Variants in DPH6 observed in about 807,000 individuals in gnomAD.
DPH6 encodes the protein diphthine--ammonia ligase.
A neutral mutation model predicts 38.2 loss-of-function variants in DPH6; 33 were observed. The observed-to-expected ratio is 0.86, with a 90% confidence interval of 0.65 to 1.15. DPH6 has a LOEUF of 1.15. Among genes scored for constraint, DPH6 ranks in the 50% most tolerant of loss-of-function variants. DPH6 has a pLI of 0.00. For missense variants in DPH6, 325 were observed against 320.0 expected (o/e 1.02, Z -0.12); for synonymous variants, 108 against 103.0 (o/e 1.05, Z -0.30).
At chr15:35,433,490 T>C (rs1257852876) in intron 5 of DPH6, among the ~76,000 whole-genome samples, 1 of 152,220 alleles carries the variant, frequency 6.6e-6, no homozygotes, top group Non-Finnish European at 1.5e-5. Flanking sequence ...TGAGTCTCTC[T>C]ACACTGGGGT....
At chr15:35,225,185 AG>A (rs2051472295) in intron 3 of DPH6, among the ~76,000 whole-genome samples, 1 of 152,208 alleles carries the variant, frequency 6.6e-6, no homozygotes, top group Non-Finnish European at 1.5e-5. Flanking sequence ...TCTGATACTC[AG>A]GATTAGATCA....
chr15:35,275,882 A>C (rs1239285190), intron 3 of DPH6, among the ~76,000 whole-genome samples: 2 of 152,102 alleles, frequency 1.3e-5, no homozygotes, highest in Non-Finnish European at 2.9e-5. Context: ...ACATTTTTGC[A>C]ATTGTGAATT....
At chr15:35,491,200 T>C (rs1054990904) in intron 3 of DPH6, among the ~76,000 whole-genome samples, 9 of 150,746 alleles carry the variant, frequency 6.0e-5, no homozygotes, top group African/African-American at 2.0e-4. Flanking sequence ...ACATAAATAA[T>C]GTTAAATAAT....
At chr15:35,181,558 T>G in the DPH6 span, among the ~76,000 whole-genome samples, 1 of 152,056 alleles carries the variant, frequency 6.6e-6, no homozygotes, top group South Asian at 2.1e-4. Context: ...GAGATTATGA[T>G]TGACATCAGG....
intron 5 of DPH6, among the ~76,000 whole-genome samples, chr15:35,425,722 G>T (rs2053561381): frequency 6.7e-6 from 1 of 149,178 alleles, no homozygotes; most frequent in African/African-American, 2.5e-5. Flanking sequence ...TGTGTACAAA[G>T]TAGCTTTGGG....
chr15:35,355,191 G>A (rs998532157), intron 3 of DPH6, among the ~76,000 whole-genome samples: 1 of 152,144 alleles, frequency 6.6e-6, no homozygotes, highest in African/African-American at 2.4e-5. Context: ...CTGCATGTGA[G>A]ATGGGTTTCC....
intron 6 of DPH6, among the ~76,000 whole-genome samples, chr15:35,398,578 T>C (rs570988826): frequency 3.9e-5 from 6 of 152,338 alleles, no homozygotes; most frequent in Admixed American, 3.3e-4. Flanking sequence ...CATTGCCCTA[T>C]GCATCTCTGC....
At chr15:35,360,299 G>A (rs944657159) in intron 3 of DPH6, among the ~76,000 whole-genome samples, 3 of 144,904 alleles carry the variant, frequency 2.1e-5, no homozygotes, top group Non-Finnish European at 3.1e-5. Context: ...TGTTACTGCG[G>A]GCACAGGTGG....
intron 3 of DPH6, among the ~76,000 whole-genome samples, chr15:35,503,748 T>C (rs908017278): frequency 2.6e-5 from 4 of 152,126 alleles, no homozygotes; most frequent in Non-Finnish European, 5.9e-5. Context: ...ACAAGAATAC[T>C]AAATTGACTC....
At chr15:35,337,022 T>C (rs984448227) in intron 3 of DPH6, among the ~76,000 whole-genome samples, 1 of 152,152 alleles carries the variant, frequency 6.6e-6, no homozygotes, top group African/African-American at 2.4e-5. Context: ...GAAGGAATGG[T>C]ACCAGTTCCT....
chr15:35,391,030 T>C (rs1206061922), intron 6 of DPH6, among the ~76,000 whole-genome samples: 1 of 152,200 alleles, frequency 6.6e-6, no homozygotes, highest in East Asian at 1.9e-4. Flanking sequence ...GGTGTGGATG[T>C]CCTGTCTTTT....
intron 3 of DPH6, among the ~76,000 whole-genome samples, chr15:35,249,651 T>C (rs1235053767): frequency 6.6e-6 from 1 of 152,114 alleles, no homozygotes; most frequent in Non-Finnish European, 1.5e-5. Flanking sequence ...ACAGAGTAGA[T>C]AGTAGAAAAT....
chr15:35,486,158 T>C (rs1003153736), intron 3 of DPH6, among the ~76,000 whole-genome samples: 1 of 151,816 alleles, frequency 6.6e-6, no homozygotes, highest in African/African-American at 2.4e-5. Flanking sequence ...GCAGGCAGGA[T>C]GGAATGAGTG....
At chr15:35,195,731 T>C in the DPH6 span, among the ~76,000 whole-genome samples, 1 of 152,132 alleles carries the variant, frequency 6.6e-6, no homozygotes, top group African/African-American at 2.4e-5. Context: ...CCCATCCGTG[T>C]AGCAACTAAA....
chr15:35,519,276 T>C (rs1459899185), intron 3 of DPH6: 1 of 151,962 alleles, frequency 6.6e-6, no homozygotes, highest in Non-Finnish European at 1.5e-5. Flanking sequence ...ATGTCATGTA[T>C]AACGACTGGG....
At chr15:35,407,984 T>C (rs1472336110) in intron 6 of DPH6, among the ~76,000 whole-genome samples, 16 of 152,006 alleles carry the variant, frequency 1.1e-4, no homozygotes, top group Admixed American at 1.1e-3. Flanking sequence ...CTGACATCTA[T>C]ATAAATAACG....
Position 35,375,423 on chromosome 15 carries a change from T to C in DPH6, c.663-1815A>G, listed in dbSNP as rs924656237. The stretch of plus-strand genomic sequence containing the variant: ...CAGCTTTCAGTTTCAAGCAGAATAA[T>C]ACCACTCACTATTGCTCTTCTCTCT... On this transcript the variant is annotated intron_variant, in intron 7 of 8. Coordinates refer to ENST00000256538, the MANE Select transcript of DPH6 (RefSeq NM_080650.4). Among the ~76,000 whole-genome samples the C allele has an allele frequency of 1.2e-4, 19 of 152,094 alleles. 1 individual carries two copies. The highest frequency in any genetic ancestry group is 1.0e-3 in the South Asian group (5 of 4,828).
intron 3 of DPH6, among the ~76,000 whole-genome samples, chr15:35,290,117 A>G (rs138409136): frequency 6.6e-6 from 1 of 152,376 alleles, no homozygotes; most frequent in Non-Finnish European, 1.5e-5. Flanking sequence ...TACTAAAACA[A>G]GGGCAAATTG....
At chr15:35,407,534 T>C (rs1299045391) in intron 6 of DPH6, among the ~76,000 whole-genome samples, 1 of 152,010 alleles carries the variant, frequency 6.6e-6, no homozygotes, top group Non-Finnish European at 1.5e-5. Flanking sequence ...TACATTGTAA[T>C]GGTACAGGGT....
Sources: gnomAD v4.1 joint callset for allele counts (sites outside exome capture counted in the v4.1 genomes callset) on GRCh38, gnomAD v4.1.1 for gene constraint, MANE v1.5 for transcripts, NCBI Gene and HGNC (gene_info 2026-07-23, HGNC 2026-07-21) for gene names.